The following TMEM131L variants were observed in gnomAD, a reference collection of about 807,000 sequenced individuals.
The protein encoded by TMEM131L is transmembrane 131 like.
A neutral mutation model predicts 192.2 loss-of-function variants in TMEM131L; 54 were observed. The observed-to-expected ratio is 0.28, with a 90% CI of 0.23 to 0.35. The LOEUF is 0.35. Ranked by LOEUF, TMEM131L falls within the 10% of genes least tolerant of loss-of-function variation. TMEM131L has a pLI of 1.00. For missense variants in TMEM131L, 1,888 were observed against 1,972.9 expected, an observed-to-expected ratio of 0.96 and a Z score of 0.82; for synonymous variants, 701 against 704.9, an observed-to-expected ratio of 0.99 and a Z score of 0.09.
At chr4:153,501,948 T>TTTG (rs1733638970) in intron 3 of TMEM131L, among the ~76,000 whole-genome samples, 1 of 149,148 alleles carries the variant, frequency 6.7e-6, no homozygotes, top group Admixed American at 6.7e-5. Context: ...AAAGGGTTTT[T>TTTG]TTTTTTTTTT....
rs143661882 is a variant in TMEM131L, at chr4:153,482,451, A to C, written c.239+8563A>C. ...CAGAAACCTTTTTTTTAGGTGAAAA[A>C]ATTGTGAAATTTTTAGCAAAGCTTT... On this transcript the variant is annotated intron_variant, in intron 3 of 34. Coordinates refer to ENST00000409959, the MANE Select transcript of TMEM131L (RefSeq NM_001131007.2). Among the ~76,000 whole-genome samples the C allele has an allele frequency of 2.6e-5, 4 of 152,312 alleles. No individual in the cohort carries two copies. The East Asian group carries it at 7.7e-4, about 29-fold the overall frequency.
At chr4:153,576,492 A>T (rs1029603788) in intron 7 of TMEM131L, among the ~76,000 whole-genome samples, 3 of 152,228 alleles carry the variant, frequency 2.0e-5, no homozygotes, top group African/African-American at 7.2e-5. Context: ...TTTACTAAGA[A>T]TGACAAAATA....
At chr4:153,549,339 T>G (rs1020310797) in intron 3 of TMEM131L, among the ~76,000 whole-genome samples, 1 of 152,346 alleles carries the variant, frequency 6.6e-6, no homozygotes, top group South Asian at 2.1e-4. Flanking sequence ...AGGAGCTTCT[T>G]CAGTTAAACC....
chr4:153,562,909 A>G (rs551063678), intron 7 of TMEM131L, among the ~76,000 whole-genome samples: 19 of 152,362 alleles, frequency 1.2e-4, no homozygotes, highest in South Asian at 8.3e-4. Flanking sequence ...CTAAGATGAT[A>G]GTAGTAATTT....
intron 29 of TMEM131L, 71 bp from the exon 30 acceptor site, chr4:153,626,076 C>A: frequency 1.1e-6 from 1 of 891,794 alleles, no homozygotes; most frequent in Non-Finnish European, 1.9e-6. Flanking sequence ...ATAACCTATG[C>A]ATTTTAATAC....
intron 2 of TMEM131L, among the ~76,000 whole-genome samples, chr4:153,470,308 T>A (rs568849224): frequency 6.6e-5 from 10 of 152,184 alleles, no homozygotes; most frequent in Non-Finnish European, 1.3e-4. Context: ...ACCTAATATT[T>A]TAGTGGTCCC....
At chr4:153,491,054 G>C in intron 3 of TMEM131L, among the ~76,000 whole-genome samples, 1 of 151,952 alleles carries the variant, frequency 6.6e-6, no homozygotes. Flanking sequence ...TGTCCGTGTC[G>C]AAGTCAGAAA....
At chr4:153,553,920 T>C (rs1737818926) in intron 4 of TMEM131L, among the ~76,000 whole-genome samples, 1 of 152,210 alleles carries the variant, frequency 6.6e-6, no homozygotes, top group Non-Finnish European at 1.5e-5. Flanking sequence ...AAAAATAGAA[T>C]AAAAATAGCA....
intron 11 of TMEM131L, 55 bp from the exon 12 acceptor site, chr4:153,584,780 G>T: frequency 8.0e-7 from 1 of 1,256,854 alleles, no homozygotes; most frequent in Non-Finnish European, 1.2e-6. Flanking sequence ...TTTTGTTCAG[G>T]CTTAATGAAA....
At chr4:153,473,791 C>A in intron 2 of TMEM131L, 54 bp from the exon 3 acceptor site, 1 of 1,472,842 alleles carries the variant, frequency 6.8e-7, no homozygotes. Context: ...GACTCTGTCT[C>A]AAAAACAAAC....
At chr4:153,636,181 G>A in intron 34 of TMEM131L, 120 bp from the exon 35 acceptor site, 1 of 984,586 alleles carries the variant, frequency 1.0e-6, no homozygotes, top group Non-Finnish European at 1.5e-6. Context: ...TTTAAATTGA[G>A]AGTAGTCTAA....
chr4:153,603,757 G>C (rs1304633267), intron 24 of TMEM131L, 45 bp from the exon 25 acceptor site: 18 of 1,532,266 alleles, frequency 1.2e-5, no homozygotes, highest in Non-Finnish European at 1.5e-5. Context: ...AGTAGAGTTT[G>C]ATTTGATTTG....
chr4:153,500,860 C>T (rs748848948), intron 3 of TMEM131L, among the ~76,000 whole-genome samples: 4 of 152,052 alleles, frequency 2.6e-5, no homozygotes, highest in Admixed American at 1.3e-4. Flanking sequence ...TTGTGAAAAT[C>T]GATGGAATGA....
intron 7 of TMEM131L, among the ~76,000 whole-genome samples, chr4:153,567,237 CAG>C (rs1323081835): frequency 6.6e-6 from 1 of 151,646 alleles, no homozygotes; most frequent in African/African-American, 2.4e-5. Flanking sequence ...AAAGAGATAA[CAG>C]AGAAAGGTTA....
chr4:153,488,569 C>G (rs1317624052), intron 3 of TMEM131L, among the ~76,000 whole-genome samples: 1 of 152,236 alleles, frequency 6.6e-6, no homozygotes, highest in African/African-American at 2.4e-5. Context: ...CACAGCAACC[C>G]GGGGATTCCC....
At chr4:153,492,339 A>G (rs947463829) in intron 3 of TMEM131L, among the ~76,000 whole-genome samples, 5 of 152,202 alleles carry the variant, frequency 3.3e-5, no homozygotes, top group African/African-American at 9.6e-5. Flanking sequence ...AGTTCACTTT[A>G]AATTAAAAAT....
At position 153,603,576 on chromosome 4, in the gene TMEM131L, G is replaced by C; in HGVS notation, c.2789+124G>C. 3 of 1,182,068 alleles carry C rather than the reference G, an allele frequency of 2.5e-6. No homozygotes were observed. In the Admixed American group the frequency reaches 8.4e-5, roughly 33 times the overall value. The allele number at this position is 1,182,068 out of a possible 1,614,324, so 73.2% of individuals were successfully genotyped here. ...TACATTTGCTTTCATAAAATTTTAA[G>C]TCATTATGTGAACAGCTGCCCCATT... On this transcript the variant is annotated intron_variant, in intron 24 of 34. Coordinates refer to ENST00000409959, the MANE Select transcript of TMEM131L (RefSeq NM_001131007.2).
intron 3 of TMEM131L, among the ~76,000 whole-genome samples, chr4:153,496,533 G>T (rs1042049400): frequency 7.2e-5 from 11 of 152,188 alleles, no homozygotes; most frequent in African/African-American, 2.7e-4. Context: ...GTTAGTGAAA[G>T]ATTTAGGATT....
chr4:153,477,198 G>A (rs887628392), intron 3 of TMEM131L, among the ~76,000 whole-genome samples: 1 of 152,162 alleles, frequency 6.6e-6, no homozygotes, highest in African/African-American at 2.4e-5. Flanking sequence ...GAGAGATGGT[G>A]ATGACTGTGC....
Sources: allele counts gnomAD v4.1 joint callset (sites outside exome capture counted in the v4.1 genomes callset), GRCh38; gene constraint gnomAD v4.1.1; transcripts MANE v1.5; gene names NCBI Gene and HGNC (gene_info 2026-07-23, HGNC 2026-07-21).